The following LAYN variants were observed in gnomAD, a reference collection of about 807,000 sequenced individuals.
LAYN encodes layilin.
In LAYN, 38 loss-of-function variants were observed where a neutral mutation model predicts 43.6. The ratio of observed to expected loss-of-function variants is 0.87; its 90% confidence interval spans 0.67 to 1.14. LAYN has a LOEUF of 1.14. LAYN is among the 50% of genes most tolerant of loss of function. The pLI is 0.00. For missense variants in LAYN, 479 were observed against 463.8 expected (o/e 1.03, Z -0.30); for synonymous variants, 168 against 172.9 (o/e 0.97, Z 0.22).
At position 111,543,970 on chromosome 11, in the gene LAYN, A is replaced by G. The variant is rs1428645483; in HGVS notation, c.133A>G (p.Ile45Val). Residue 45 changes from isoleucine to valine, a missense_variant, in exon 2 of 7, where the codon ATT (isoleucine) becomes GTT (valine). Ile to Val is a conservative substitution (Grantham distance 29, BLOSUM62 3). Coordinates refer to ENST00000375614, the MANE Select transcript of LAYN (RefSeq NM_178834.5). ...GACACAGAGGCCTTGTTATAAAGTC[A>G]TTTACTTCCATGATACTTCTCGAAG... is the stretch of plus-strand genomic sequence containing the variant. Reference protein sequence around the residue: ...GGTQRPCYKVIYFHDTSRRLN... With the variant: ...GGTQRPCYKVVYFHDTSRRLN... The G allele has an allele frequency of 1.9e-6, 3 of 1,614,120 alleles. No individual in the cohort carries two copies. The highest frequency in any genetic ancestry group is 1.7e-6 in the Non-Finnish European group (2 of 1,180,034).
At chr11:111,547,498 T>C (rs1304216047) in intron 2 of LAYN, among the ~76,000 whole-genome samples, 2 of 152,210 alleles carry the variant, frequency 1.3e-5, no homozygotes, top group African/African-American at 4.8e-5. Context: ...ACCATAAGTA[T>C]ATACTGTTGT....
chr11:111,541,001 T>G, intron 1 of LAYN, 73 bp downstream of exon 1: 2 of 1,399,422 alleles, frequency 1.4e-6, no homozygotes, highest in Non-Finnish European at 1.9e-6. Context: ...CTGACCCTCT[T>G]CTGGGTCGCC....
chr11:111,553,710 A>G (rs1412204912), intron 3 of LAYN, among the ~76,000 whole-genome samples: 1 of 128,064 alleles, frequency 7.8e-6, no homozygotes, highest in Non-Finnish European at 1.7e-5. Context: ...GATTTACATC[A>G]CCTATACACA....
intron 1 of LAYN, among the ~76,000 whole-genome samples, chr11:111,543,083 G>T (rs897866139): frequency 2.6e-5 from 4 of 152,188 alleles, no homozygotes; most frequent in African/African-American, 9.7e-5. Flanking sequence ...TGAGCCTGGG[G>T]TGCAGCGGGG....
At chr11:111,550,174 G>A (rs1300359833) in intron 3 of LAYN, among the ~76,000 whole-genome samples, 1 of 152,210 alleles carries the variant, frequency 6.6e-6, no homozygotes, top group Non-Finnish European at 1.5e-5. Context: ...AGCCCAGTGA[G>A]ATTATTTTCT....
At chr11:111,541,464 C>T (rs1267443404) in intron 1 of LAYN, 8 of 1,233,320 alleles carry the variant, frequency 6.5e-6, no homozygotes, top group Non-Finnish European at 8.0e-6. Context: ...TATGAGAGCG[C>T]TTAGAGATCG....
upstream of LAYN, chr11:111,540,588 G>A: frequency 2.0e-6 from 1 of 492,126 alleles, no homozygotes; most frequent in East Asian, 3.7e-5. Context: ...CTGGCTGGCC[G>A]AGTGTCTGGC....
intron 2 of LAYN, among the ~76,000 whole-genome samples, chr11:111,548,714 C>A (rs1246674960): frequency 6.6e-6 from 1 of 152,192 alleles, no homozygotes; most frequent in African/African-American, 2.4e-5. Flanking sequence ...CTGACAAGAG[C>A]TAAGCAGAGC....
At chr11:111,543,067 A>G (rs1198948302) in intron 1 of LAYN, among the ~76,000 whole-genome samples, 1 of 152,216 alleles carries the variant, frequency 6.6e-6, no homozygotes, top group Non-Finnish European at 1.5e-5. Flanking sequence ...GGCTCCCAGT[A>G]AAACATGAGC....
chr11:111,554,344 CAAAA>C (rs752294596), intron 3 of LAYN, among the ~76,000 whole-genome samples: 1 of 151,106 alleles, frequency 6.6e-6, no homozygotes, highest in African/African-American at 2.5e-5. Flanking sequence ...TTTTTAAAAA[CAAAA>C]AAGCACCAAA....
intron 2 of LAYN, among the ~76,000 whole-genome samples, chr11:111,547,044 C>G (rs1182470330): frequency 1.3e-5 from 2 of 152,204 alleles, no homozygotes; most frequent in Non-Finnish European, 2.9e-5. Flanking sequence ...TCTGCTGTGA[C>G]TCCTACTCAA....
At position 111,540,766 on chromosome 11, in the gene LAYN, T is replaced by G; in HGVS notation, c.-78T>G. ...GAGATGCTGCTGCCGCGGTTGCAGT[T>G]GTCGCGCACGCCTCTGCCCGCCAGC... is the stretch of plus-strand genomic sequence containing the variant. On this transcript the variant is annotated 5_prime_UTR_variant, in exon 1 of 7. Transcript: ENST00000375614. 7.2e-7 allele frequency: 1 copy of G among 1,383,522 alleles called. No homozygotes were observed. Among genetic ancestry groups the G allele is most frequent in the Admixed American group, 2.4e-5 (1 of 41,062 alleles). 85.7% of individuals were successfully genotyped at this position (1,383,522 alleles called of 1,614,324 possible). A position where few individuals can be genotyped will look rare whatever the true frequency, so the allele number is the denominator to read the frequency against.
upstream of LAYN, chr11:111,540,516 G>A (rs867169091): frequency 2.4e-6 from 1 of 409,874 alleles, no homozygotes; most frequent in Non-Finnish European, 4.4e-6. Context: ...GCAAACGCGG[G>A]ATCTCCCAGG....
intron 3 of LAYN, chr11:111,551,266 A>C: frequency 4.4e-6 from 2 of 452,806 alleles, no homozygotes; most frequent in Non-Finnish European, 8.9e-6. Context: ...GGGCATGGGG[A>C]ATAAATACTG....
In LAYN at chr11:111,555,307, C is replaced by A; in HGVS notation, c.658+17C>A. On this transcript the variant is annotated intron_variant, in intron 5 of 6. Transcript: ENST00000375614. ...AAAGTAGAGGTATCTACAAAACTCTCCTGGGAAAGATGAATAATCAGGCTC... is the reference window on the plus strand; with the variant it reads ...AAAGTAGAGGTATCTACAAAACTCTACTGGGAAAGATGAATAATCAGGCTC... 6.4e-7 allele frequency: 1 copy of A among 1,563,330 alleles called. No homozygotes were observed. The highest frequency in any genetic ancestry group is 8.8e-7 in the Non-Finnish European group (1 of 1,135,376).
intron 6 of LAYN, among the ~76,000 whole-genome samples, chr11:111,557,853 C>T (rs1429376610): frequency 6.6e-6 from 1 of 152,162 alleles, no homozygotes; most frequent in South Asian, 2.1e-4. Flanking sequence ...ACTTGCTTTA[C>T]TGTCTGTACG....
In LAYN at chr11:111,558,978, G is replaced by A. The variant is rs542530308; in HGVS notation, c.762-1117G>A. On this transcript the variant is annotated intron_variant, in intron 6 of 6. Transcript: ENST00000375614. The stretch of plus-strand genomic sequence containing the variant: ...AATTTTGTATTTTTAGTAGAGATGG[G>A]TTTCACCATGTTGGCCAGGCTGGTC... Among the ~76,000 whole-genome samples, 13 of 151,722 alleles carry A rather than the reference G, an allele frequency of 8.6e-5. No individual in the cohort carries two copies. In the East Asian group the frequency reaches 2.5e-3, roughly 29 times the overall value.
chr11:111,542,224 G>C (rs968969506), intron 1 of LAYN, among the ~76,000 whole-genome samples: 3 of 152,142 alleles, frequency 2.0e-5, no homozygotes, highest in Non-Finnish European at 4.4e-5. Flanking sequence ...CCCCCTTCCC[G>C]GGGGTATCCC....
intron 3 of LAYN, among the ~76,000 whole-genome samples, chr11:111,553,715 T>TACACACACACACACACACACAC (rs60878342): frequency 7.1e-6 from 1 of 140,398 alleles, no homozygotes; most frequent in Non-Finnish European, 1.5e-5. Context: ...ACATCACCTA[T>TACACACACACACACACACACAC]ACACACACAC....
Sources: allele counts gnomAD v4.1 joint callset (sites outside exome capture counted in the v4.1 genomes callset), GRCh38; gene constraint gnomAD v4.1.1; transcripts MANE v1.5; gene names NCBI Gene and HGNC (gene_info 2026-07-23, HGNC 2026-07-21).